RIPOR2: variants seen among roughly 807,000 people sequenced by gnomAD.
RIPOR2 encodes rho family-interacting cell polarization regulator 2.
In RIPOR2, 39 loss-of-function variants were observed where a neutral mutation model predicts 114.5. The ratio of observed to expected loss-of-function variants is 0.34; its 90% confidence interval spans 0.26 to 0.44. The LOEUF is 0.44. Among genes scored for constraint, RIPOR2 ranks in the 20% least tolerant of loss-of-function variants. The probability of loss-of-function intolerance (pLI) is 1.00; values close to 1 mark genes in which losing one functional copy is unlikely to be tolerated. For synonymous variants in RIPOR2, 445 were observed against 484.4 expected (o/e 0.92, Z 1.07); for missense variants, 1,007 against 1,255.1 (o/e 0.80, Z 2.99).
intron 1 of RIPOR2, among the ~76,000 whole-genome samples, chr6:24,943,654 T>C (rs905976687): frequency 7.9e-5 from 12 of 152,102 alleles, no homozygotes; most frequent in Non-Finnish European, 2.9e-5. Context: ...ATGAGTTTTA[T>C]GGCATTTTAA....
intron 1 of RIPOR2, among the ~76,000 whole-genome samples, chr6:24,925,877 G>T (rs535865136): frequency 6.6e-6 from 1 of 152,158 alleles, no homozygotes; most frequent in Admixed American, 6.5e-5. Flanking sequence ...TCTGTCCCAT[G>T]TACATGTAGT....
chr6:24,983,047 C>T (rs1178394768), intron 1 of RIPOR2, among the ~76,000 whole-genome samples: 1 of 152,070 alleles, frequency 6.6e-6, no homozygotes, highest in African/African-American at 2.4e-5. Flanking sequence ...CCTTTAAAAA[C>T]CTGCTTGTAA....
chr6:24,956,001 C>T (rs887004723), intron 1 of RIPOR2, among the ~76,000 whole-genome samples: 1 of 87,244 alleles, frequency 1.1e-5, no homozygotes, highest in African/African-American at 4.3e-5. Context: ...CAGAGTGAGA[C>T]TCTGTCTCAA....
At chr6:24,811,367 G>A (rs191126733) in intron 20 of RIPOR2, among the ~76,000 whole-genome samples, 2 of 150,856 alleles carry the variant, frequency 1.3e-5, no homozygotes, top group East Asian at 3.9e-4. Flanking sequence ...CCCAGTAGCT[G>A]GGATTACAGG....
intron 1 of RIPOR2, among the ~76,000 whole-genome samples, chr6:24,951,166 G>C (rs1772732994): frequency 6.6e-6 from 1 of 152,226 alleles, no homozygotes; most frequent in African/African-American, 2.4e-5. Flanking sequence ...GTGGTCACCA[G>C]GTCACAGGTG....
At chr6:25,024,119 G>T in intron 1 of RIPOR2, 1 of 850,326 alleles carries the variant, frequency 1.2e-6, no homozygotes, top group Non-Finnish European at 2.0e-6. Context: ...AACCGGACCT[G>T]ATATTCCCCT....
Position 25,024,459 on chromosome 6 carries a change from A to G in RIPOR2, c.76+17392T>C, listed in dbSNP as rs1581971675. 3.4e-6 allele frequency: 3 copies of G among 877,752 alleles called. No individual in the cohort carries two copies. The East Asian group carries it at 7.6e-5, about 22-fold the overall frequency. The allele number at this position is 877,752 out of a possible 1,614,324, so 54.4% of individuals were successfully genotyped here. A position where few individuals can be genotyped will look rare whatever the true frequency, so the allele number is the denominator to read the frequency against. The stretch of plus-strand genomic sequence containing the variant: ...GTCCAGGCCGCCACCATAGGCCAGA[A>G]CTCTCATGGAGCCTTTGCTGGACAT... On this transcript the variant is annotated intron_variant, in intron 1 of 13. Transcript: ENST00000510784.
At position 24,850,520 on chromosome 6, in the gene RIPOR2, G is replaced by A. The variant is rs906648193; in HGVS notation, c.885+77C>T. On this transcript the variant is annotated intron_variant, in intron 10 of 21. Transcript: ENST00000643898. ...TGGGATGGAGGGGCAACAGGCAGGG[G>A]TCACGGGTAAGGGCCCCACCAATGG... 86 of 1,545,974 alleles carry A rather than the reference G, an allele frequency of 5.6e-5. No homozygotes were observed. In the African/African-American group the frequency reaches 1.1e-3, roughly 20 times the overall value.
chr6:24,992,263 A>T (rs1774857796), intron 1 of RIPOR2, among the ~76,000 whole-genome samples: 1 of 152,038 alleles, frequency 6.6e-6, no homozygotes, highest in Non-Finnish European at 1.5e-5. Context: ...CTGTCATGAA[A>T]TTTTCATAAT....
rs1305300067 is a variant in RIPOR2, at chr6:24,877,084, T to C, written c.62-1267A>G. On this transcript the variant is annotated intron_variant, in intron 1 of 21. Coordinates refer to ENST00000643898, the MANE Select transcript of RIPOR2 (RefSeq NM_001286445.3). ...CGGTATGTTTGCAGAGTGTCGACAATTGCCCTTTAAAGACTCAAAGAAAGA... is the reference window on the plus strand; with the variant it reads ...CGGTATGTTTGCAGAGTGTCGACAACTGCCCTTTAAAGACTCAAAGAAAGA... The C allele has an allele frequency of 3.0e-6, 3 of 985,118 alleles. No homozygotes were observed. The African/African-American group carries it at 5.2e-5, about 17-fold the overall frequency. 61.0% of individuals were successfully genotyped at this position (985,118 alleles called of 1,614,324 possible).
chr6:24,886,284 G>A (rs13211772), intron 1 of RIPOR2, among the ~76,000 whole-genome samples: 19,418 of 152,102 alleles, frequency 0.13, 1,814 homozygotes, highest in African/African-American at 0.27. Context: ...CTAAAATCAC[G>A]GACATTTGCA....
At chr6:24,840,286 T>C in intron 13 of RIPOR2, 1 of 1,039,284 alleles carries the variant, frequency 9.6e-7, no homozygotes. Context: ...AAAGAATGAA[T>C]GCCTTGGGCA....
Position 24,843,217 on chromosome 6 carries a change from T to G in RIPOR2, c.1502A>C (p.Gln501Pro). 1 of 1,614,030 alleles carries G rather than the reference T, an allele frequency of 6.2e-7. No homozygotes were observed. The stretch of plus-strand genomic sequence containing the variant: ...GTGCTCAGCCCCAGCACCTGAGGAC[T>G]GTCGGCGGCAAGCCTCAGATGGGGC... The part of the protein sequence containing the change: ...ASAPSEACRR[Q>P]SSGAGAEHLF... The change falls in exon 13 of 22, where the codon CAG becomes CCG. Residue 501 changes from glutamine to proline, a missense_variant. By Grantham distance (76) the Gln-to-Pro change is moderately conservative. Transcript: ENST00000643898.
chr6:24,894,444 G>T (rs1403830685), intron 1 of RIPOR2, among the ~76,000 whole-genome samples: 2 of 152,204 alleles, frequency 1.3e-5, no homozygotes, highest in East Asian at 3.8e-4. Context: ...ATGGGGTCTT[G>T]TTACTACTTA....
At chr6:24,857,356 A>G (rs1318623190) in intron 8 of RIPOR2, among the ~76,000 whole-genome samples, 2 of 152,148 alleles carry the variant, frequency 1.3e-5, no homozygotes, top group African/African-American at 4.8e-5. Flanking sequence ...TCAAAAAACC[A>G]TCATGGGGGT....
chr6:25,000,051 C>T (rs1301080466), intron 1 of RIPOR2, among the ~76,000 whole-genome samples: 1 of 152,184 alleles, frequency 6.6e-6, no homozygotes, highest in Admixed American at 6.5e-5. Flanking sequence ...TCATCTTTTG[C>T]CTTCATGGCC....
intron 19 of RIPOR2, among the ~76,000 whole-genome samples, chr6:24,822,996 C>T (rs192980074): frequency 1.3e-5 from 2 of 152,282 alleles, no homozygotes; most frequent in East Asian, 1.9e-4. Context: ...CTCCTCTGAC[C>T]AGTCCTGGAT....
At chr6:24,872,783 T>A (rs749051695) in intron 4 of RIPOR2, 98 bp downstream of exon 4, 23 of 783,384 alleles carry the variant, frequency 2.9e-5, no homozygotes, top group Non-Finnish European at 5.0e-5. Context: ...CCCTTGGATC[T>A]GCTTTTCTCA....
intron 1 of RIPOR2, among the ~76,000 whole-genome samples, chr6:24,934,978 G>GCA (rs1210955957): frequency 6.6e-6 from 1 of 152,110 alleles, no homozygotes; most frequent in Non-Finnish European, 1.5e-5. Context: ...GGGAATGGAG[G>GCA]GTTGGAGTGC....
Sources: gnomAD v4.1 joint callset for allele counts (sites outside exome capture counted in the v4.1 genomes callset) on GRCh38, gnomAD v4.1.1 for gene constraint, MANE v1.5 for transcripts, NCBI Gene and HGNC (gene_info 2026-07-23, HGNC 2026-07-21) for gene names.